The following ATAD2 variants were observed in gnomAD, a reference collection of about 807,000 sequenced individuals.
The protein encoded by ATAD2 is ATPase family AAA domain containing 2.
A neutral mutation model predicts 168.9 loss-of-function variants in ATAD2; 62 were observed. The ratio of observed to expected loss-of-function variants is 0.37; its 90% CI spans 0.30 to 0.45. The LOEUF is 0.45. ATAD2 is among the 20% of genes least tolerant of loss of function. The probability of loss-of-function intolerance (pLI) is 1.00; values close to 1 mark genes in which losing one functional copy is unlikely to be tolerated. For synonymous variants in ATAD2, 613 were observed against 571.6 expected (o/e 1.07, Z -1.03); for missense variants, 1,419 against 1,667.8 (o/e 0.85, Z 2.60).
intron 19 of ATAD2, among the ~76,000 whole-genome samples, chr8:123,341,639 A>G (rs560153256): frequency 6.6e-6 from 1 of 152,294 alleles, no homozygotes; most frequent in Admixed American, 6.5e-5. Context: ...TATTACCACA[A>G]TCTGTATTCT....
chr8:123,332,161 T>C (rs981394845), intron 24 of ATAD2, among the ~76,000 whole-genome samples: 2 of 152,202 alleles, frequency 1.3e-5, no homozygotes, highest in Non-Finnish European at 1.5e-5. Context: ...TTTCACTATT[T>C]CTAGGCTACG....
Position 123,369,942 on chromosome 8 carries a change from A to C in ATAD2, c.810T>G (p.Asp270Glu), listed in dbSNP as rs139406007. The C allele has an allele frequency of 2.6e-6, 4 of 1,554,720 alleles. No homozygotes were observed. Among genetic ancestry groups the C allele is most frequent in the Non-Finnish European group, 3.5e-6 (4 of 1,131,076 alleles). ...CTTCATCATCATCATCATCATCATC[A>C]TCGTCATCATCATCATCATCTTCAT... ...EDDEDDDDDD[D>E]DDDDDDDEDD... is the part of the protein sequence containing the mutation. The change falls in exon 7 of 28, where the codon GAT becomes GAG. Residue 270 changes from aspartate to glutamate, a missense_variant. By Grantham distance (45) the Asp-to-Glu change is conservative (BLOSUM62 2). Coordinates refer to ENST00000287394, the MANE Select transcript of ATAD2 (RefSeq NM_014109.4).
chr8:123,371,938 A>G (rs963757429), intron 3 of ATAD2, 103 bp from the exon 4 acceptor site: 1 of 1,142,482 alleles, frequency 8.8e-7, no homozygotes, highest in Non-Finnish European at 1.2e-6. Flanking sequence ...TTCATGTAAC[A>G]AAATTACAGT....
intron 12 of ATAD2, 147 bp downstream of exon 12, chr8:123,357,415 C>T (rs1384879408): frequency 1.3e-6 from 1 of 791,168 alleles, no homozygotes; most frequent in Non-Finnish European, 1.8e-6. Flanking sequence ...GTCATCTCGA[C>T]ATATAAAAGA....
At chr8:123,395,327 G>A (rs749111005) in intron 1 of ATAD2, among the ~76,000 whole-genome samples, 23 of 152,278 alleles carry the variant, frequency 1.5e-4, no homozygotes, top group Non-Finnish European at 3.2e-4. Context: ...AGGTGGATGG[G>A]AGGGGAGTAA....
chr8:123,328,738 G>C (rs754148306), intron 24 of ATAD2, among the ~76,000 whole-genome samples, 159 bp from the exon 25 acceptor site: 1 of 152,026 alleles, frequency 6.6e-6, no homozygotes, highest in African/African-American at 2.4e-5. Context: ...CTGTGAGAAG[G>C]TGGAGAAGTG....
At chr8:123,374,465 T>C (rs535252522) in intron 2 of ATAD2, among the ~76,000 whole-genome samples, 6 of 152,328 alleles carry the variant, frequency 3.9e-5, no homozygotes, top group Admixed American at 3.3e-4. Flanking sequence ...TCATACCATG[T>C]AGGTCTATAC....
In ATAD2 at chr8:123,320,498, A is replaced by G. The variant is rs1391249791; in HGVS notation, c.*636T>C. The G allele has an allele frequency of 6.6e-6, 1 of 152,218 alleles. No individual in the cohort carries two copies. The highest frequency in any genetic ancestry group is 2.4e-5 in the African/African-American group (1 of 41,468). 9.4% of individuals were successfully genotyped at this position (152,218 alleles called of 1,614,324 possible). ...GTGTATATAATTACAAAAGTAAACC[A>G]AGAAATATTTAAAATCTTTATTAAC... is the stretch of plus-strand genomic sequence containing the variant. On this transcript the variant is annotated 3_prime_UTR_variant, in exon 28 of 28. Transcript: ENST00000287394.
In ATAD2 at chr8:123,349,432, G is replaced by A; in HGVS notation, c.1659C>T (p.Ser553=). 6.2e-7 allele frequency: 1 copy of A among 1,613,610 alleles called. No homozygotes were observed. The highest frequency in any genetic ancestry group is 8.5e-7 in the Non-Finnish European group (1 of 1,179,810). The change falls in exon 14 of 28, where the codon TCC becomes TCT. Residue 553 remains serine, a synonymous_variant. Transcript: ENST00000287394. ...ATCCATCCATAAGAGCTAGCAGGGT[G>A]GAAACAATAGAACTAAATTTTAAAA... ...RQDQIHSSIV[S]TLLALMDGLD... is the part of the protein sequence containing the mutation.
intron 8 of ATAD2, among the ~76,000 whole-genome samples, chr8:123,367,455 T>C (rs1829015960): frequency 6.6e-6 from 1 of 152,222 alleles, no homozygotes; most frequent in South Asian, 2.1e-4. Flanking sequence ...GATCCCAAAG[T>C]AGCTGCCACC....
intron 19 of ATAD2, among the ~76,000 whole-genome samples, chr8:123,343,554 T>C (rs1460127250): frequency 1.3e-5 from 2 of 152,194 alleles, no homozygotes; most frequent in Non-Finnish European, 2.9e-5. Context: ...TATTTGAGCT[T>C]ATCTTCCTAC....
intron 19 of ATAD2, among the ~76,000 whole-genome samples, chr8:123,341,011 C>T (rs763532101): frequency 4.0e-4 from 60 of 151,310 alleles, no homozygotes; most frequent in African/African-American, 1.5e-3. Flanking sequence ...GGTGCAATCT[C>T]GACTCACTGC....
At chr8:123,348,449 G>T (rs1039540705) in intron 14 of ATAD2, among the ~76,000 whole-genome samples, 176 bp from the exon 15 acceptor site, 4 of 152,116 alleles carry the variant, frequency 2.6e-5, no homozygotes, top group Admixed American at 2.6e-4. Context: ...GGCCGAGGCA[G>T]GTGGATCACT....
At chr8:123,392,096 T>C (rs767439620) in intron 1 of ATAD2, among the ~76,000 whole-genome samples, 6 of 152,160 alleles carry the variant, frequency 3.9e-5, no homozygotes, top group Non-Finnish European at 7.3e-5. Context: ...TTAGGTCTCC[T>C]CTGCTAGACT....
Position 123,346,600 on chromosome 8 carries a change from T to C in ATAD2, c.2345+18A>G. ...AATTTACACATGCAAAAAACATTGA[T>C]TTGCAAGAAAAATATACCTATTCAA... is the stretch of plus-strand genomic sequence containing the variant. On this transcript the variant is annotated intron_variant, in intron 17 of 27. Coordinates refer to ENST00000287394, the MANE Select transcript of ATAD2 (RefSeq NM_014109.4). 3 of 1,517,386 alleles carry C rather than the reference T, an allele frequency of 2.0e-6. No individual in the cohort carries two copies. The highest frequency in any genetic ancestry group is 1.8e-6 in the Non-Finnish European group (2 of 1,126,888). The allele number at this position is 1,517,386 out of a possible 1,614,324, so 94.0% of individuals were successfully genotyped here. A position where few individuals can be genotyped will look rare whatever the true frequency, so the allele number is the denominator to read the frequency against.
intron 8 of ATAD2, among the ~76,000 whole-genome samples, chr8:123,364,256 G>T (rs1828905053): frequency 6.6e-6 from 1 of 151,968 alleles, no homozygotes; most frequent in African/African-American, 2.4e-5. Context: ...CTTGCCAAAG[G>T]CCGCTAATAA....
chr8:123,328,615 T>C, intron 24 of ATAD2, 36 bp from the exon 25 acceptor site: 2 of 1,494,962 alleles, frequency 1.3e-6, no homozygotes. Flanking sequence ...TGAAAGAACA[T>C]TCAACCATTT....
chr8:123,399,428 G>A (rs1413673082), upstream of ATAD2, among the ~76,000 whole-genome samples: 1 of 152,158 alleles, frequency 6.6e-6, no homozygotes, highest in Non-Finnish European at 1.5e-5. Context: ...CATTCTAAGA[G>A]GTACTCAGTG....
At chr8:123,394,023 T>C (rs902110942) in intron 1 of ATAD2, among the ~76,000 whole-genome samples, 3 of 151,826 alleles carry the variant, frequency 2.0e-5, no homozygotes, top group Non-Finnish European at 4.4e-5. Context: ...ATTTTGAAAG[T>C]GGAGCCAACA....
Sources: gnomAD v4.1 joint callset for allele counts (sites outside exome capture counted in the v4.1 genomes callset) on GRCh38, gnomAD v4.1.1 for gene constraint, MANE v1.5 for transcripts, NCBI Gene and HGNC (gene_info 2026-07-23, HGNC 2026-07-21) for gene names.